ZNF148: variants seen among roughly 807,000 people sequenced by gnomAD.
ZNF148 encodes Beta-Enolase Repressor Factor-1.
ZNF148 carries 7 observed loss-of-function variants against 67.7 expected under a neutral mutation model. That is an observed-to-expected ratio of 0.10 (90% CI 0.06 to 0.19). The LOEUF is 0.19. ZNF148 is among the 10% of genes least tolerant of loss of function. The pLI is 1.00. For synonymous variants in ZNF148, 333 were observed against 330.7 expected, an observed-to-expected ratio of 1.01 and a Z score of -0.08; for missense variants, 583 against 947.1, an observed-to-expected ratio of 0.62 and a Z score of 5.05.
intron 4 of ZNF148, among the ~76,000 whole-genome samples, chr3:125,312,709 A>T (rs1940281605): frequency 2.0e-5 from 3 of 152,236 alleles, no homozygotes; most frequent in Non-Finnish European, 4.4e-5. Context: ...TAGAAAGAAG[A>T]GACAAGAATT....
intron 4 of ZNF148, among the ~76,000 whole-genome samples, chr3:125,292,207 G>A (rs971728394): frequency 6.6e-6 from 1 of 152,108 alleles, no homozygotes; most frequent in African/African-American, 2.4e-5. Flanking sequence ...TGTGAATCAC[G>A]AACTATATCT....
At chr3:125,352,915 C>A (rs1319267269) in intron 1 of ZNF148, among the ~76,000 whole-genome samples, 4 of 152,156 alleles carry the variant, frequency 2.6e-5, no homozygotes, top group African/African-American at 9.7e-5. Context: ...AAGGCAGACA[C>A]ACTTATCAAT....
At chr3:125,346,887 G>A (rs1293619804) in intron 1 of ZNF148, among the ~76,000 whole-genome samples, 1 of 151,778 alleles carries the variant, frequency 6.6e-6, no homozygotes, top group East Asian at 1.9e-4. Flanking sequence ...GCAAAAAACT[G>A]AATTAAATGG....
chr3:125,248,883 C>T (rs1201655234), intron 7 of ZNF148, among the ~76,000 whole-genome samples: 3 of 152,152 alleles, frequency 2.0e-5, no homozygotes, highest in Middle Eastern at 3.2e-3. Flanking sequence ...TCCAGGAACA[C>T]GAAGTGTTCT....
chr3:125,303,178 C>T (rs2107653642), intron 4 of ZNF148, among the ~76,000 whole-genome samples: 1 of 152,224 alleles, frequency 6.6e-6, no homozygotes, highest in Non-Finnish European at 1.5e-5. Flanking sequence ...TAGAAATAAA[C>T]AACAGATTAA....
chr3:125,355,051 A>C (rs572169847), intron 1 of ZNF148, among the ~76,000 whole-genome samples: 1 of 152,308 alleles, frequency 6.6e-6, no homozygotes, highest in South Asian at 2.1e-4. Flanking sequence ...TGGGTAAGTC[A>C]CCATCTCTCC....
At chr3:125,303,068 C>T (rs979318925) in intron 4 of ZNF148, among the ~76,000 whole-genome samples, 47 of 152,210 alleles carry the variant, frequency 3.1e-4, no homozygotes, top group Admixed American at 2.6e-3. Context: ...ACCTGGACGA[C>T]TCTCAAGAGC....
intron 2 of ZNF148, among the ~76,000 whole-genome samples, chr3:125,325,061 T>C (rs1488470488): frequency 6.6e-6 from 1 of 152,150 alleles, no homozygotes; most frequent in Non-Finnish European, 1.5e-5. Context: ...TTATGTAAAA[T>C]ATCTATTATA....
At chr3:125,311,828 C>A (rs1940230478) in intron 4 of ZNF148, among the ~76,000 whole-genome samples, 1 of 152,280 alleles carries the variant, frequency 6.6e-6, no homozygotes, top group Middle Eastern at 3.4e-3. Flanking sequence ...TTTGTTCCCA[C>A]AAATTTGACA....
chr3:125,359,317 C>CCTAG (rs1431461149), intron 1 of ZNF148, among the ~76,000 whole-genome samples: 1 of 152,208 alleles, frequency 6.6e-6, no homozygotes, highest in African/African-American at 2.4e-5. Context: ...AGCAAAGCTA[C>CCTAG]ACTAGGATGG....
intron 1 of ZNF148, among the ~76,000 whole-genome samples, chr3:125,354,745 T>C (rs998427156): frequency 6.6e-6 from 1 of 152,246 alleles, no homozygotes; most frequent in Non-Finnish European, 1.5e-5. Context: ...TGTTTTGTTT[T>C]AAAAATTGTA....
intron 7 of ZNF148, among the ~76,000 whole-genome samples, chr3:125,269,205 C>CAAAAAAAAAAAAAA (rs71148173): frequency 3.1e-5 from 3 of 96,870 alleles, no homozygotes; most frequent in Non-Finnish European, 5.8e-5. Flanking sequence ...CGGTCTCTAC[C>CAAAAAAAAAAAAAA]AAAAAAAAAA....
intron 4 of ZNF148, among the ~76,000 whole-genome samples, chr3:125,310,384 A>G (rs1940137009): frequency 6.6e-6 from 1 of 152,136 alleles, no homozygotes; most frequent in South Asian, 2.1e-4. Flanking sequence ...CAGTCCAAAG[A>G]AGAAATCTTA....
intron 6 of ZNF148, among the ~76,000 whole-genome samples, chr3:125,278,503 A>G (rs1040062084): frequency 1.3e-5 from 2 of 151,992 alleles, no homozygotes; most frequent in Admixed American, 1.3e-4. Context: ...GCTACTTGTG[A>G]TCTCCTTGCT....
chr3:125,262,248 A>C (rs1937377607), intron 7 of ZNF148, among the ~76,000 whole-genome samples: 1 of 152,204 alleles, frequency 6.6e-6, no homozygotes, highest in Non-Finnish European at 1.5e-5. Context: ...TAGATCCCTG[A>C]TATTTGCCTT....
intron 1 of ZNF148, among the ~76,000 whole-genome samples, chr3:125,340,737 A>G (rs1392718169): frequency 2.0e-5 from 3 of 152,154 alleles, no homozygotes; most frequent in Non-Finnish European, 4.4e-5. Flanking sequence ...CTGTAATCCC[A>G]GCACTTTGGG....
chr3:125,259,114 GA>G (rs1937223581), intron 7 of ZNF148, among the ~76,000 whole-genome samples: 1 of 151,834 alleles, frequency 6.6e-6, no homozygotes, highest in Non-Finnish European at 1.5e-5. Context: ...CAATCTATGG[GA>G]AAAAAATTGC....
At chr3:125,364,770 C>A (rs1034611168) in intron 1 of ZNF148, among the ~76,000 whole-genome samples, 1 of 152,118 alleles carries the variant, frequency 6.6e-6, no homozygotes, top group Admixed American at 6.5e-5. Flanking sequence ...ACCTAAGTGC[C>A]CTTAAGATTG....
At chr3:125,350,161 G>GTTTTTT (rs551085074) in intron 1 of ZNF148, among the ~76,000 whole-genome samples, 1 of 151,432 alleles carries the variant, frequency 6.6e-6, no homozygotes, top group African/African-American at 2.4e-5. Context: ...ATGGGTTTTG[G>GTTTTTT]TTTTGTTTTG....
Sources: gnomAD v4.1 joint callset for allele counts (sites outside exome capture counted in the v4.1 genomes callset) on GRCh38, gnomAD v4.1.1 for gene constraint, MANE v1.5 for transcripts, NCBI Gene and HGNC (gene_info 2026-07-23, HGNC 2026-07-21) for gene names.